The following CORO7 variants were observed in gnomAD, a reference collection of about 807,000 sequenced individuals.
CORO7 encodes coronin-7.
CORO7 carries 107 observed loss-of-function variants against 126.6 expected under a neutral mutation model. The ratio of observed to expected loss-of-function variants is 0.85; its 90% confidence interval spans 0.72 to 0.99. CORO7 has a LOEUF of 0.99. CORO7 is among the 50% of genes least tolerant of loss of function. The probability of loss-of-function intolerance (pLI) is 0.00; values close to 1 mark genes in which losing one functional copy is unlikely to be tolerated. For missense variants in CORO7, 1,314 were observed against 1,255.8 expected, an observed-to-expected ratio of 1.05 and a Z score of -0.70; for synonymous variants, 603 against 536.8, an observed-to-expected ratio of 1.12 and a Z score of -1.70.
chr16:4,413,476 G>A lies in CORO7; in HGVS notation c.61-72C>T, dbSNP rs1321970297. 4 of 1,421,504 alleles carry A rather than the reference G, an allele frequency of 2.8e-6. No homozygotes were observed. The South Asian group carries it at 5.1e-5, about 18-fold the overall frequency. 88.1% of individuals were successfully genotyped at this position (1,421,504 alleles called of 1,614,324 possible). On this transcript the variant is annotated intron_variant, in intron 1 of 27. Transcript: ENST00000251166. ...CCTCCATGCATGCCTAAAGCAAGAG[G>A]TGGGGCATAATCTGGGGAACTCTAG...
At chr16:4,357,382 A>AGTTTTGC in intron 25 of CORO7, 123 bp from the exon 26 acceptor site, 1 of 997,864 alleles carries the variant, frequency 1.0e-6, no homozygotes, top group Non-Finnish European at 1.3e-6. Context: ...TTTGAGATGG[A>AGTTTTGC]GTTTTGCTCT....
In CORO7 at chr16:4,388,086, G is replaced by A. The variant is rs1488913801; in HGVS notation, c.703-18C>T. On this transcript the variant is annotated intron_variant, in intron 8 of 27. Coordinates refer to ENST00000251166, the MANE Select transcript of CORO7 (RefSeq NM_024535.5). ...TCACGCATCTGCAGGGAGGGCGAGAGAGGGGCTCAGAGGGGCCTGTCCCTC... is the reference window on the plus strand; with the variant it reads ...TCACGCATCTGCAGGGAGGGCGAGAAAGGGGCTCAGAGGGGCCTGTCCCTC... 3 of 1,602,090 alleles carry A rather than the reference G, an allele frequency of 1.9e-6. No individual in the cohort carries two copies. Among genetic ancestry groups the A allele is most frequent in the South Asian group, 1.1e-5 (1 of 89,250 alleles).
At chr16:4,359,667 G>A (rs777694560) in intron 21 of CORO7, 46 bp from the exon 22 acceptor site, 2 of 1,546,570 alleles carry the variant, frequency 1.3e-6, no homozygotes, top group East Asian at 2.3e-5. Context: ...AGAGCTGAAG[G>A]GGCCTGGGGC....
At chr16:4,396,975 CA>C (rs1393133104) in intron 6 of CORO7, among the ~76,000 whole-genome samples, 4 of 144,440 alleles carry the variant, frequency 2.8e-5, no homozygotes, top group African/African-American at 1.0e-4. Context: ...GAGATTGCAC[CA>C]CTGCACTCCA....
intron 9 of CORO7, among the ~76,000 whole-genome samples, chr16:4,386,577 G>A (rs17136989): frequency 0.066 from 10,122 of 152,220 alleles, 440 homozygotes; most frequent in African/African-American, 0.11. Flanking sequence ...CGGGAGCTCC[G>A]ACTCCTCAAG....
chr16:4,410,822 G>C (rs551222024), intron 3 of CORO7, among the ~76,000 whole-genome samples: 1 of 152,298 alleles, frequency 6.6e-6, no homozygotes, highest in African/African-American at 2.4e-5. Context: ...TGCAGTTGTT[G>C]CAAGAAAGCA....
intron 6 of CORO7, among the ~76,000 whole-genome samples, chr16:4,398,651 G>A (rs1002629545): frequency 6.9e-6 from 1 of 144,768 alleles, no homozygotes; most frequent in African/African-American, 2.6e-5. Flanking sequence ...GGGCAACAGA[G>A]CAAGACTCCA....
Position 4,361,370 on chromosome 16 carries a change from G to A in CORO7, c.1678C>T (p.Leu560Phe). Residue 560 changes from leucine to phenylalanine, a missense_variant, in exon 17 of 28, where the codon CTC becomes TTC. Physicochemically the swap from Leu to Phe is conservative, Grantham distance 22. Coordinates refer to ENST00000251166, the MANE Select transcript of CORO7 (RefSeq NM_024535.5). ...LAWDPFDPHR[L>F]AVAGEDARIR... is the part of the protein sequence containing the mutation. ...CACCCAGCCTCCTTACCCACAGCGA[G>A]GCGATGGGGGTCAAAGGGGTCCCAG... 6.2e-7 allele frequency: 1 copy of A among 1,612,268 alleles called. No individual in the cohort carries two copies. The highest frequency in any genetic ancestry group is 1.7e-5 in the Admixed American group (1 of 59,910).
intron 21 of CORO7, among the ~76,000 whole-genome samples, chr16:4,359,976 C>CT (rs2054109601): frequency 7.8e-6 from 1 of 128,076 alleles, no homozygotes; most frequent in Non-Finnish European, 1.7e-5. Context: ...CTACCCCCCT[C>CT]ACCCTCCCCT....
intron 6 of CORO7, among the ~76,000 whole-genome samples, chr16:4,398,527 G>A (rs903171273): frequency 3.3e-5 from 5 of 152,020 alleles, no homozygotes; most frequent in South Asian, 4.1e-4. Flanking sequence ...TTAGCCGGGC[G>A]TGGTGGCGTG....
At chr16:4,373,773 G>A (rs2054616880) in intron 9 of CORO7, among the ~76,000 whole-genome samples, 2 of 152,176 alleles carry the variant, frequency 1.3e-5, no homozygotes, top group Admixed American at 1.3e-4. Flanking sequence ...GAACAAGAAA[G>A]CAGGGCCCTG....
intron 19 of CORO7, 81 bp from the exon 20 acceptor site, chr16:4,360,629 C>A: frequency 6.7e-7 from 1 of 1,493,592 alleles, no homozygotes; most frequent in South Asian, 1.3e-5. Flanking sequence ...CCCCTCCTCA[C>A]TGCTGGCGCC....
chr16:4,402,241 TTTGTTGTTG>T (rs148154433), intron 6 of CORO7, among the ~76,000 whole-genome samples: 10,738 of 144,580 alleles, frequency 0.074, 525 homozygotes, highest in African/African-American at 0.14. Flanking sequence ...CCCGGCCAGT[TTTGTTGTTG>T]TTGTTGTTGT....
intron 3 of CORO7, among the ~76,000 whole-genome samples, chr16:4,410,954 A>C (rs2056183672): frequency 6.6e-6 from 1 of 152,248 alleles, no homozygotes; most frequent in Non-Finnish European, 1.5e-5. Flanking sequence ...CAGAGGCAGG[A>C]AGCAGATCAG....
chr16:4,357,188 C>A lies in CORO7; in HGVS notation c.2665G>T (p.Asp889Tyr). ...SSAQYLEEKS[D>Y]QQKKEELLNA... ...CCTACCTCCTCCTTCTTTTGCTGGT[C>A]AGACTTTTCTTCCAGGTACTGCGCT... Residue 889 changes from aspartate (D) to tyrosine (Y), a missense_variant, in exon 26 of 28, where the codon GAC becomes TAC. Transcript: ENST00000251166. The A allele has an allele frequency of 6.2e-7, 1 of 1,613,914 alleles. No individual in the cohort carries two copies. Among genetic ancestry groups the A allele is most frequent in the South Asian group, 1.1e-5 (1 of 91,062 alleles).
At chr16:4,398,598 G>A (rs1185990644) in intron 6 of CORO7, among the ~76,000 whole-genome samples, 1 of 151,674 alleles carries the variant, frequency 6.6e-6, no homozygotes, top group African/African-American at 2.4e-5. Context: ...CTCAGGAGGT[G>A]GAGGTTGCAG....
At chr16:4,409,535 C>T (rs1470641714) in intron 3 of CORO7, among the ~76,000 whole-genome samples, 1 of 152,240 alleles carries the variant, frequency 6.6e-6, no homozygotes, top group Non-Finnish European at 1.5e-5. Context: ...CATAAGGATG[C>T]AGCAGGTGGC....
intron 25 of CORO7, 171 bp from the exon 26 acceptor site, chr16:4,357,430 T>C (rs1222470588): frequency 3.0e-6 from 2 of 662,818 alleles, no homozygotes; most frequent in African/African-American, 1.9e-5. Flanking sequence ...TGACCTAGGC[T>C]GACTGCAACC....
At chr16:4,396,340 A>G (rs1381822765) in intron 6 of CORO7, among the ~76,000 whole-genome samples, 1 of 152,218 alleles carries the variant, frequency 6.6e-6, no homozygotes, top group Non-Finnish European at 1.5e-5. Context: ...CGGCCTCCCA[A>G]AATGCTGGGA....
Sources: allele counts gnomAD v4.1 joint callset (sites outside exome capture counted in the v4.1 genomes callset), GRCh38; gene constraint gnomAD v4.1.1; transcripts MANE v1.5; gene names NCBI Gene and HGNC (gene_info 2026-07-23, HGNC 2026-07-21).